The following PRORP variants were observed in gnomAD, a reference collection of about 807,000 sequenced individuals.
The protein encoded by PRORP is mitochondrial ribonuclease P catalytic subunit.
In PRORP, 51 loss-of-function variants were observed where a neutral mutation model predicts 59.4. That is an observed-to-expected ratio of 0.86 (90% CI 0.69 to 1.08). The LOEUF is 1.08. Ranked by LOEUF, PRORP falls within the 50% of genes least tolerant of loss-of-function variation. PRORP has a pLI of 0.00. For synonymous variants in PRORP, 231 were observed against 245.6 expected, an observed-to-expected ratio of 0.94 and a Z score of 0.55; for missense variants, 646 against 690.3, an observed-to-expected ratio of 0.94 and a Z score of 0.72.
intron 4 of PRORP, among the ~76,000 whole-genome samples, chr14:35,156,783 C>T (rs562711282): frequency 2.6e-5 from 4 of 152,128 alleles, no homozygotes; most frequent in Non-Finnish European, 5.9e-5. Flanking sequence ...TATCAAGGTA[C>T]AGTGTCCCCA....
At chr14:35,136,189 C>G (rs1358156958) in intron 4 of PRORP, among the ~76,000 whole-genome samples, 2 of 151,966 alleles carry the variant, frequency 1.3e-5, no homozygotes, top group Non-Finnish European at 2.9e-5. Flanking sequence ...ATAAAAATTT[C>G]ACCATTTGGT....
At chr14:35,207,613 T>C (rs1037551850) in intron 5 of PRORP, among the ~76,000 whole-genome samples, 1 of 152,242 alleles carries the variant, frequency 6.6e-6, no homozygotes, top group Non-Finnish European at 1.5e-5. Context: ...GAATGTGTTA[T>C]AGTGAACGCT....
At chr14:35,232,324 G>C (rs994145754) in intron 5 of PRORP, among the ~76,000 whole-genome samples, 3 of 150,708 alleles carry the variant, frequency 2.0e-5, no homozygotes, top group Admixed American at 6.6e-5. Flanking sequence ...TCTCACCTCA[G>C]CTTCCCAAGT....
chr14:35,230,329 G>A (rs2050044984), intron 5 of PRORP, among the ~76,000 whole-genome samples: 1 of 152,218 alleles, frequency 6.6e-6, no homozygotes, highest in Admixed American at 6.5e-5. Flanking sequence ...TGGGATTACA[G>A]GCGTGAGCCA....
chr14:35,155,773 A>G (rs915657551), intron 4 of PRORP, among the ~76,000 whole-genome samples: 3 of 152,008 alleles, frequency 2.0e-5, no homozygotes, highest in Non-Finnish European at 4.4e-5. Flanking sequence ...GGATATAAAC[A>G]GTTCAGAAAT....
At chr14:35,179,829 G>T (rs553705744) in intron 4 of PRORP, among the ~76,000 whole-genome samples, 2 of 152,158 alleles carry the variant, frequency 1.3e-5, no homozygotes, top group African/African-American at 4.8e-5. Context: ...AGAATTTTCA[G>T]CTTCTCTGCT....
chr14:35,166,072 C>A (rs1335963065), intron 4 of PRORP, among the ~76,000 whole-genome samples: 1 of 152,108 alleles, frequency 6.6e-6, no homozygotes, highest in African/African-American at 2.4e-5. Context: ...CTTGAGAACA[C>A]CCTTCTGAGG....
chr14:35,208,999 C>G (rs1485405893), intron 5 of PRORP, among the ~76,000 whole-genome samples: 2 of 151,974 alleles, frequency 1.3e-5, no homozygotes, highest in African/African-American at 4.8e-5. Context: ...CAACTGCACT[C>G]TAGCCTGGGT....
At chr14:35,205,829 T>A (rs2049279034) in intron 5 of PRORP, among the ~76,000 whole-genome samples, 1 of 152,164 alleles carries the variant, frequency 6.6e-6, no homozygotes, top group South Asian at 2.1e-4. Flanking sequence ...CTTCTCACCC[T>A]TCAGGTCTCA....
In PRORP at chr14:35,259,774, A is replaced by T. The variant is rs1291355495; in HGVS notation, c.1276-6953A>T. On this transcript the variant is annotated intron_variant, in intron 5 of 7. Transcript: ENST00000534898. ...GCCAGGCATGGTGCCGTGCACCTGT[A>T]ATCCAAGCTACTCAGGAGGCTGAGG... is the stretch of plus-strand genomic sequence containing the variant. Among the ~76,000 whole-genome samples the T allele has an allele frequency of 2.6e-5, 4 of 152,140 alleles. No individual in the cohort carries two copies. In the East Asian group the frequency reaches 5.8e-4, roughly 22 times the overall value.
At chr14:35,260,604 C>T (rs751241756) in intron 5 of PRORP, among the ~76,000 whole-genome samples, 8 of 152,208 alleles carry the variant, frequency 5.3e-5, no homozygotes, top group East Asian at 1.9e-4. Flanking sequence ...CAGAATAAGC[C>T]GTGCTAGGCA....
intron 5 of PRORP, among the ~76,000 whole-genome samples, chr14:35,255,518 C>T (rs1425289754): frequency 2.6e-5 from 4 of 152,152 alleles, no homozygotes; most frequent in Non-Finnish European, 5.9e-5. Context: ...GATAAATGAA[C>T]TGGCCTTTTC....
intron 5 of PRORP, among the ~76,000 whole-genome samples, chr14:35,254,770 C>G (rs1414205375): frequency 6.6e-6 from 1 of 152,134 alleles, no homozygotes; most frequent in African/African-American, 2.4e-5. Flanking sequence ...TATAAAGACC[C>G]CTGGGATCTA....
At chr14:35,190,624 G>A (rs2048859424) in intron 5 of PRORP, among the ~76,000 whole-genome samples, 1 of 151,912 alleles carries the variant, frequency 6.6e-6, no homozygotes, top group African/African-American at 2.4e-5. Flanking sequence ...TCCTGCCTCA[G>A]CCGCCTGAGT....
chr14:35,238,461 C>G (rs2050277057), intron 5 of PRORP, among the ~76,000 whole-genome samples: 2 of 152,202 alleles, frequency 1.3e-5, no homozygotes, highest in African/African-American at 4.8e-5. Flanking sequence ...GGAAAGTTAA[C>G]CTGGCAATGT....
intron 4 of PRORP, among the ~76,000 whole-genome samples, chr14:35,180,118 C>T (rs766257505): frequency 6.6e-6 from 1 of 152,138 alleles, no homozygotes. Flanking sequence ...GGTACCCGGC[C>T]GTGTGAGGTG....
chr14:35,197,347 T>C (rs1413678953), intron 5 of PRORP, among the ~76,000 whole-genome samples: 2 of 152,212 alleles, frequency 1.3e-5, no homozygotes, highest in Admixed American at 6.5e-5. Context: ...AGTTTAAATA[T>C]TTGTTGTCAG....
chr14:35,177,395 C>T (rs2048481224), intron 4 of PRORP, among the ~76,000 whole-genome samples: 1 of 152,064 alleles, frequency 6.6e-6, no homozygotes, highest in Non-Finnish European at 1.5e-5. Context: ...GGTTTGTAGG[C>T]TATTAATTAT....
At chr14:35,270,059 G>A (rs1195989768) in intron 6 of PRORP, among the ~76,000 whole-genome samples, 2 of 152,174 alleles carry the variant, frequency 1.3e-5, no homozygotes, top group African/African-American at 2.4e-5. Context: ...GGGAAAAGGT[G>A]TGCTCTGTGA....
Sources: gnomAD v4.1 joint callset for allele counts (sites outside exome capture counted in the v4.1 genomes callset) on GRCh38, gnomAD v4.1.1 for gene constraint, MANE v1.5 for transcripts, NCBI Gene and HGNC (gene_info 2026-07-23, HGNC 2026-07-21) for gene names.